Variants in LIMS1 observed in about 807,000 individuals in gnomAD.
LIMS1 encodes the protein LIM and senescent cell antigen-like-containing domain protein 1.
In LIMS1, 18 loss-of-function variants were observed where a neutral mutation model predicts 44.1. The observed-to-expected ratio is 0.41, with a 90% CI of 0.28 to 0.61. The LOEUF is 0.61. Ranked by LOEUF, LIMS1 falls within the 20% of genes least tolerant of loss-of-function variation. The pLI is 0.32. For missense variants in LIMS1, 201 were observed against 422.0 expected (o/e 0.48, Z 4.59); for synonymous variants, 93 against 149.1 (o/e 0.62, Z 2.74).
At chr2:108,578,303 G>A (rs1262473100) in intron 1 of LIMS1, among the ~76,000 whole-genome samples, 1 of 152,106 alleles carries the variant, frequency 6.6e-6, no homozygotes, top group Admixed American at 6.6e-5. Context: ...TTATTTTTAA[G>A]AGCTTATTAG....
In LIMS1 at chr2:108,650,424, T is replaced by C. The variant is rs538374009; in HGVS notation, c.33-9181T>C. Reference sequence around the variant, plus strand: ...CTTTCTTTTCTTTTCTTTTTTTTTTTTTTTTCTTTCGAGACGGAGTTTTGC... The same window carrying C: ...CTTTCTTTTCTTTTCTTTTTTTTTTCTTTTTCTTTCGAGACGGAGTTTTGC... On this transcript the variant is annotated intron_variant, in intron 1 of 9. Coordinates refer to ENST00000544547, the Ensembl canonical transcript of LIMS1. 1.2e-4 allele frequency among the ~76,000 whole-genome samples: 18 copies of C among 151,890 alleles called. No homozygotes were observed. In the East Asian group the frequency reaches 3.5e-3, roughly 29 times the overall value.
intron 1 of LIMS1, among the ~76,000 whole-genome samples, chr2:108,550,776 A>G (rs1195687498): frequency 6.6e-6 from 1 of 151,310 alleles, no homozygotes; most frequent in Non-Finnish European, 1.5e-5. Flanking sequence ...AGATTGTGCC[A>G]CTGCACTCCA....
rs1687453717 is a variant in LIMS1, at chr2:108,609,236, T to C, written c.33-50369T>C. Among the ~76,000 whole-genome samples, 2 of 152,156 alleles carry C rather than the reference T, an allele frequency of 1.3e-5. 1 individual carries two copies. Among genetic ancestry groups the C allele is most frequent in the South Asian group, 4.1e-4 (2 of 4,832 alleles). ...GTGTGTGCTAATCTTGTTTGATTTT[T>C]TTCTTAGCAACCTGTTTACCTGGCA... is the stretch of plus-strand genomic sequence containing the variant. On this transcript the variant is annotated intron_variant, in intron 1 of 9. Coordinates refer to ENST00000544547, the Ensembl canonical transcript of LIMS1.
At position 108,654,376 on chromosome 2, in the gene LIMS1, T is replaced by G. The variant is rs1342350405; in HGVS notation, c.33-5229T>G. On this transcript the variant is annotated intron_variant, in intron 1 of 9. Transcript: ENST00000544547. The stretch of plus-strand genomic sequence containing the variant: ...AGTTATAACTAAACACTGGCCCTTG[T>G]CTGTTTCCACTTGTGCCCATTCATT... Among the ~76,000 whole-genome samples, 8 of 151,832 alleles carry G rather than the reference T, an allele frequency of 5.3e-5. No individual in the cohort carries two copies. The East Asian group carries it at 1.6e-3, about 30-fold the overall frequency.
Position 108,570,888 on chromosome 2 carries a change from T to A in LIMS1, c.32+36294T>A, listed in dbSNP as rs565579821. Among the ~76,000 whole-genome samples, 3 of 152,212 alleles carry A rather than the reference T, an allele frequency of 2.0e-5. No individual in the cohort carries two copies. The South Asian group carries it at 6.2e-4, about 31-fold the overall frequency. ...TAAGTGTTAGCCGTCAGCTAGCTAA[T>A]CCCAGCCTCTGGGAGCTCTTAATAG... On this transcript the variant is annotated intron_variant, in intron 1 of 9. Coordinates refer to ENST00000544547, the Ensembl canonical transcript of LIMS1.
In LIMS1 at chr2:108,608,328, C is replaced by T. The variant is rs562794015; in HGVS notation, c.33-51277C>T. On this transcript the variant is annotated intron_variant, in intron 1 of 9. Coordinates refer to ENST00000544547, the Ensembl canonical transcript of LIMS1. ...CTCACTTTTTTTTTTTTTTTTGAGA[C>T]GGTGTCTCGCTCTGTCACTCAGGCT... Among the ~76,000 whole-genome samples the T allele has an allele frequency of 4.8e-5, 7 of 144,666 alleles. No homozygotes were observed. In the East Asian group the frequency reaches 1.0e-3, roughly 21 times the overall value. 94.9% of individuals were successfully genotyped at this position (144,666 alleles called of 152,430 possible).
intron 8 of LIMS1, chr2:108,678,505 C>T (rs1573624833): frequency 6.3e-6 from 1 of 159,258 alleles, no homozygotes; most frequent in Non-Finnish European, 1.4e-5. Context: ...GCTGTGTTTG[C>T]TAAGACTCGC....
chr2:108,617,394 G>C (rs1216641093), intron 1 of LIMS1, among the ~76,000 whole-genome samples: 1 of 152,120 alleles, frequency 6.6e-6, no homozygotes. Context: ...AAATATGAAA[G>C]CTTCAGAGTT....
At chr2:108,643,437 C>T (rs1214307017) in intron 1 of LIMS1, among the ~76,000 whole-genome samples, 5 of 152,198 alleles carry the variant, frequency 3.3e-5, no homozygotes, top group Non-Finnish European at 7.3e-5. Flanking sequence ...CCATTAGGGA[C>T]TGTACCATGC....
chr2:108,552,497 AAT>A (rs1354459483), intron 1 of LIMS1, among the ~76,000 whole-genome samples: 4 of 146,740 alleles, frequency 2.7e-5, no homozygotes, highest in Admixed American at 2.1e-4. Flanking sequence ...AGTTACATAT[AAT>A]ATATAAATAA....
At chr2:108,601,510 ATAAC>A (rs1259911819) in intron 1 of LIMS1, among the ~76,000 whole-genome samples, 4 of 152,232 alleles carry the variant, frequency 2.6e-5, no homozygotes, top group Non-Finnish European at 2.9e-5. Context: ...TTGTTTTTTA[ATAAC>A]TAACGTGTAA....
rs182658783 is a variant in LIMS1 at position 108,610,417 on chromosome 2, A to G, written c.33-49188A>G. The stretch of plus-strand genomic sequence containing the variant: ...ATACTCATCACCCACACTTCTTGCC[A>G]TATTTGCTTCACATATTCTTTTTTC... On this transcript the variant is annotated intron_variant, in intron 1 of 9. Coordinates refer to ENST00000544547, the Ensembl canonical transcript of LIMS1. Among the ~76,000 whole-genome samples the G allele has an allele frequency of 3.8e-3, 582 of 152,252 alleles. 3 individuals are homozygous for G. The highest frequency in any genetic ancestry group is 0.013 in the African/African-American group (548 of 41,558).
At chr2:108,619,313 GTGTTGAT>G (rs1688103004) in intron 1 of LIMS1, among the ~76,000 whole-genome samples, 1 of 150,610 alleles carries the variant, frequency 6.6e-6, no homozygotes, top group Admixed American at 6.6e-5. Context: ...CGTCTATTCT[GTGTTGAT>G]GGTGGGGGAA....
chr2:108,647,010 C>T (rs1690116020), intron 1 of LIMS1, among the ~76,000 whole-genome samples: 3 of 151,652 alleles, frequency 2.0e-5, no homozygotes, highest in African/African-American at 4.8e-5. Flanking sequence ...CATGAGTCAC[C>T]GCGCCCGGCC....
intron 1 of LIMS1, among the ~76,000 whole-genome samples, chr2:108,643,798 G>C (rs1689876450): frequency 6.6e-6 from 1 of 152,196 alleles, no homozygotes; most frequent in African/African-American, 2.4e-5. Context: ...ATAGCAGACT[G>C]AGCTCGACCT....
chr2:108,607,128 C>A, intron 1 of LIMS1: 1 of 1,216,066 alleles, frequency 8.2e-7, no homozygotes, highest in Non-Finnish European at 1.2e-6. Flanking sequence ...ATAAAATAGG[C>A]CCAAGGGAGC....
intron 1 of LIMS1, among the ~76,000 whole-genome samples, chr2:108,536,319 C>T (rs1426662138): frequency 6.6e-6 from 1 of 152,242 alleles, no homozygotes. Context: ...CAATAATTCT[C>T]CATTCCCCTC....
chr2:108,640,587 C>G (rs1485534159), intron 1 of LIMS1, among the ~76,000 whole-genome samples: 1 of 152,122 alleles, frequency 6.6e-6, no homozygotes, highest in Non-Finnish European at 1.5e-5. Context: ...AGTGGCCACT[C>G]TCTTTTGCCT....
chr2:108,662,460 T>A, intron 2 of LIMS1: 2 of 1,393,376 alleles, frequency 1.4e-6, no homozygotes, highest in Non-Finnish European at 1.9e-6. Flanking sequence ...TTCCAAAAGA[T>A]GCGATGAATA....
Sources: gnomAD v4.1 joint callset for allele counts (sites outside exome capture counted in the v4.1 genomes callset) on GRCh38, gnomAD v4.1.1 for gene constraint, MANE v1.5 for transcripts, NCBI Gene and HGNC (gene_info 2026-07-23, HGNC 2026-07-21) for gene names.